Variants in HIVEP3 observed in about 807,000 individuals in gnomAD.
The protein encoded by HIVEP3 is HIVEP zinc finger 3, also known as transcription factor HIVEP3.
Under a neutral mutation model 152.8 loss-of-function variants are expected in HIVEP3, and 49 were observed. The ratio of observed to expected loss-of-function variants is 0.32; its 90% CI spans 0.26 to 0.41. The LOEUF is 0.41. HIVEP3 is among the 10% of genes least tolerant of loss of function. The probability of loss-of-function intolerance (pLI) is 1.00; values close to 1 mark genes in which losing one functional copy is unlikely to be tolerated. For synonymous variants in HIVEP3, 1,269 were observed against 1,289.0 expected (o/e 0.98, Z 0.33); for missense variants, 2,790 against 3,103.3 (o/e 0.90, Z 2.40).
chr1:41,746,064 T>G (rs1248392976), intron 1 of HIVEP3, among the ~76,000 whole-genome samples: 1 of 152,238 alleles, frequency 6.6e-6, no homozygotes. Context: ...TAATCATGCA[T>G]TGGCAGTGCC....
At chr1:41,779,993 G>T (rs1180607137) in intron 1 of HIVEP3, among the ~76,000 whole-genome samples, 1 of 152,046 alleles carries the variant, frequency 6.6e-6, no homozygotes, top group Non-Finnish European at 1.5e-5. Flanking sequence ...TCCCCCACAG[G>T]GTTTGAAAAA....
At chr1:41,783,333 G>A (rs762875691) in intron 1 of HIVEP3, among the ~76,000 whole-genome samples, 13 of 152,136 alleles carry the variant, frequency 8.5e-5, no homozygotes, top group East Asian at 1.9e-4. Flanking sequence ...CACACGCTTC[G>A]GAAGGATCAC....
chr1:41,888,220 T>G (rs1644380008), intron 1 of HIVEP3, among the ~76,000 whole-genome samples: 2 of 144,896 alleles, frequency 1.4e-5, no homozygotes, highest in South Asian at 2.3e-4. Flanking sequence ...TTTTTTTTTT[T>G]TTTTTGTATT....
At position 41,575,667 on chromosome 1, in the gene HIVEP3, G is replaced by A. The variant is rs1333001849; in HGVS notation, c.5084C>T (p.Ser1695Phe). The A allele has an allele frequency of 8.1e-6, 13 of 1,613,984 alleles. No individual in the cohort carries two copies. The highest frequency in any genetic ancestry group is 1.3e-5 in the African/African-American group (1 of 74,908). Residue 1695 changes from serine to phenylalanine, a missense_variant, in exon 5 of 9, where the codon TCC becomes TTC. Physicochemically the swap from Ser to Phe is radical, Grantham distance 155. Transcript: ENST00000372583. The stretch of plus-strand genomic sequence containing the variant: ...AGCTAGATCTTTCTGGCCTTCCGGG[G>A]AAACCAGTGAAGGGAGGTGAACCTG... The part of the protein sequence containing the change: ...MTEVHLPSLV[S>F]PEGQKDLARV...
In HIVEP3 at chr1:41,754,131, CAA is replaced by C. The variant is rs61585292; in HGVS notation, c.-800-53138_-800-53137del. 4.5e-3 allele frequency among the ~76,000 whole-genome samples: 681 copies of C among 152,280 alleles called. 5 individuals are homozygous for C. The highest frequency in any genetic ancestry group is 0.015 in the African/African-American group (629 of 41,546). ...CATTCTGGGTGGGTCTGAGGAACAG[CAA>C]AGACACCATAGCGGCTGCCGCAGGG... On this transcript the variant is annotated intron_variant, in intron 1 of 8. Transcript: ENST00000372583.
intron 1 of HIVEP3, among the ~76,000 whole-genome samples, chr1:41,999,669 C>T (rs72672715): frequency 0.043 from 6,608 of 152,190 alleles, 333 homozygotes; most frequent in Admixed American, 0.15. Flanking sequence ...AAGATGATTG[C>T]AGAAGAAAAA....
chr1:41,633,105 G>C (rs1645219535), intron 2 of HIVEP3, among the ~76,000 whole-genome samples: 1 of 152,074 alleles, frequency 6.6e-6, no homozygotes, highest in East Asian at 1.9e-4. Flanking sequence ...CAGGTCAGAG[G>C]GCTGCCCACC....
intron 3 of HIVEP3, among the ~76,000 whole-genome samples, chr1:41,594,323 T>C (rs1570046612): frequency 6.6e-6 from 1 of 152,258 alleles, no homozygotes; most frequent in East Asian, 1.9e-4. Context: ...CCTGGGTTCA[T>C]GCAATTCTCC....
At chr1:41,545,293 TCAC>T (rs1210563313) in intron 5 of HIVEP3, among the ~76,000 whole-genome samples, 1 of 40,456 alleles carries the variant, frequency 2.5e-5, no homozygotes, top group African/African-American at 1.0e-4. Context: ...ACCACCACCA[TCAC>T]CACCTCTACC....
At chr1:41,843,585 GA>G (rs113967177) in intron 1 of HIVEP3, among the ~76,000 whole-genome samples, 166 of 129,782 alleles carry the variant, frequency 1.3e-3, no homozygotes, top group Middle Eastern at 3.8e-3. Context: ...GGTAGTTTAA[GA>G]AAAAAAAAAA....
chr1:41,904,499 G>A (rs1219337516), intron 1 of HIVEP3, among the ~76,000 whole-genome samples: 1 of 152,168 alleles, frequency 6.6e-6, no homozygotes, highest in Non-Finnish European at 1.5e-5. Flanking sequence ...CCCAGAAGTG[G>A]AATTAAGGGA....
Position 41,584,346 on chromosome 1 carries a change from A to G in HIVEP3, c.452T>C (p.Ile151Thr), listed in dbSNP as rs145267711. The change falls in exon 4 of 9, where the codon ATC becomes ACC. Residue 151 changes from isoleucine (I) to threonine (T), a missense_variant. Around this residue, in one of 9 missense-constraint regions of HIVEP3, gnomAD observed 209 missense variants for 237.0 expected, o/e 0.88. Coordinates refer to ENST00000372583, the MANE Select transcript of HIVEP3 (RefSeq NM_024503.5). This position sits in a 1 kb window ranked among gnomAD's most constrained non-coding sequence, Gnocchi z 5.2. Reference protein sequence around the residue: ...QSQLLPSHASIIPPEDLPGVP... With the variant: ...QSQLLPSHASTIPPEDLPGVP... ...TCCAGGAAGGTCCTCGGGGGGAATG[A>G]TGGAAGCGTGGGAAGGAAGGAGCTG... 1 of 1,613,780 alleles carries G rather than the reference A, an allele frequency of 6.2e-7. No homozygotes were observed.
At chr1:41,947,938 G>C (rs900720046) in intron 1 of HIVEP3, among the ~76,000 whole-genome samples, 1 of 152,260 alleles carries the variant, frequency 6.6e-6, no homozygotes, top group African/African-American at 2.4e-5. Context: ...TCAGACAACT[G>C]TTTGCTTAAA....
chr1:41,857,950 C>T (rs1429846384), intron 1 of HIVEP3, among the ~76,000 whole-genome samples: 1 of 151,176 alleles, frequency 6.6e-6, no homozygotes, highest in Non-Finnish European at 1.5e-5. Context: ...GCCTCTCCAA[C>T]TAGTTAACTG....
At chr1:41,926,626 G>A (rs906384027) in intron 1 of HIVEP3, among the ~76,000 whole-genome samples, 3 of 152,164 alleles carry the variant, frequency 2.0e-5, no homozygotes, top group African/African-American at 7.2e-5. Flanking sequence ...GTTATGGAGA[G>A]CTTACTATGT....
chr1:41,526,268 C>A (rs1449910288), intron 5 of HIVEP3, among the ~76,000 whole-genome samples: 1 of 151,194 alleles, frequency 6.6e-6, no homozygotes, highest in African/African-American at 2.4e-5. Context: ...CTCACACCCA[C>A]ACACTCACCC....
chr1:41,656,070 TGAA>T (rs1168347700), intron 2 of HIVEP3, among the ~76,000 whole-genome samples: 1 of 152,220 alleles, frequency 6.6e-6, no homozygotes, highest in African/African-American at 2.4e-5. Context: ...TTCAATGTCA[TGAA>T]CGTTTCTTTG....
chr1:41,784,893 C>T (rs1649257623), intron 1 of HIVEP3, among the ~76,000 whole-genome samples: 1 of 151,898 alleles, frequency 6.6e-6, no homozygotes, highest in Admixed American at 6.6e-5. Context: ...TTATCAAAAC[C>T]ATATAACCTA....
chr1:41,870,770 T>C (rs1644065030), intron 1 of HIVEP3, among the ~76,000 whole-genome samples: 1 of 152,206 alleles, frequency 6.6e-6, no homozygotes, highest in African/African-American at 2.4e-5. Context: ...GGTGTTATCC[T>C]GGGACTGGCA....
Sources: gnomAD v4.1 joint callset for allele counts (sites outside exome capture counted in the v4.1 genomes callset) on GRCh38, gnomAD v4.1.1 for gene constraint, gnomAD v4.1.1 regional missense constraint, Gnocchi (gnomAD v3.1) non-coding constraint, MANE v1.5 for transcripts, NCBI Gene and HGNC (gene_info 2026-07-23, HGNC 2026-07-21) for gene names.